VPS13C: variants seen among roughly 807,000 people sequenced by gnomAD.
VPS13C encodes intermembrane lipid transfer protein VPS13C.
In VPS13C, 358 loss-of-function variants were observed where a neutral mutation model predicts 456.8. The ratio of observed to expected loss-of-function variants is 0.78; its 90% CI spans 0.72 to 0.86. VPS13C has a LOEUF of 0.86. VPS13C is among the 40% of genes least tolerant of loss of function. VPS13C has a pLI of 0.00. For missense variants in VPS13C, 4,818 were observed against 4,385.4 expected, an observed-to-expected ratio of 1.10 and a Z score of -2.79; for synonymous variants, 1,578 against 1,486.7, an observed-to-expected ratio of 1.06 and a Z score of -1.41.
Position 61,962,472 on chromosome 15 carries a change from C to A in VPS13C, c.3502G>T (p.Gly1168Trp), listed in dbSNP as rs769904807. 9.3e-6 allele frequency: 15 copies of A among 1,611,724 alleles called. No homozygotes were observed. The highest frequency in any genetic ancestry group is 1.7e-5 in the Admixed American group (1 of 59,952). ...TTGGACATGTCAGTATACAAATCCC[C>A]CTCAGTAGCATCTGGATACAAATCC... ...NLDLYPDATE[G>W]DLYTDMSKVD... Residue 1168 changes from glycine (G) to tryptophan (W), a missense_variant, in exon 34 of 85, where the codon GGG becomes TGG. Gly to Trp is a radical substitution (Grantham distance 184). This residue lies in a region of VPS13C where 4,552 missense variants were observed against 4,130.6 expected (regional missense o/e 1.10). Transcript: ENST00000644861.
intron 3 of VPS13C, among the ~76,000 whole-genome samples, chr15:62,035,806 T>C (rs1270791663): frequency 6.6e-6 from 1 of 152,030 alleles, no homozygotes; most frequent in African/African-American, 2.4e-5. Context: ...CAAGTCCTCC[T>C]GAGGTGAGCC....
At chr15:62,060,217 G>T in intron 1 of VPS13C, 58 bp downstream of exon 1, 1 of 984,774 alleles carries the variant, frequency 1.0e-6, no homozygotes, top group Non-Finnish European at 1.6e-6. Flanking sequence ...CCCGGACGGA[G>T]CAGCCCTCGG....
Position 61,906,999 on chromosome 15 carries a change from A to T in VPS13C, c.9105+265T>A. 8 of 353,850 alleles carry T rather than the reference A, an allele frequency of 2.3e-5. No individual in the cohort carries two copies. The South Asian group carries it at 2.4e-4, about 11-fold the overall frequency. 21.9% of individuals were successfully genotyped at this position (353,850 alleles called of 1,614,324 possible). A position where few individuals can be genotyped will look rare whatever the true frequency, so the allele number is the denominator to read the frequency against. ...TCTTACAATTCCTTCCTTTTAAAAT[A>T]GGTAAATTAATTAAAAAGGTGCTTT... On this transcript the variant is annotated intron_variant, in intron 66 of 84. Coordinates refer to ENST00000644861, the MANE Select transcript of VPS13C (RefSeq NM_020821.3).
At chr15:61,879,035 G>A (rs1383027830) in intron 73 of VPS13C, among the ~76,000 whole-genome samples, 1 of 152,026 alleles carries the variant, frequency 6.6e-6, no homozygotes, top group Non-Finnish European at 1.5e-5. Flanking sequence ...TTACAAAAAT[G>A]GCGTAATCAT....
At chr15:61,903,009 T>C (rs903095233) in intron 66 of VPS13C, among the ~76,000 whole-genome samples, 1 of 151,818 alleles carries the variant, frequency 6.6e-6, no homozygotes, top group African/African-American at 2.4e-5. Flanking sequence ...TTTGGTAAAG[T>C]TGCAGGACGC....
chr15:61,950,010 T>C (rs1262623509), intron 41 of VPS13C, among the ~76,000 whole-genome samples: 2 of 152,176 alleles, frequency 1.3e-5, no homozygotes, highest in Non-Finnish European at 2.9e-5. Context: ...CTTATTCTAA[T>C]CCTAACGCCA....
At chr15:61,882,430 ATAAG>A (rs1380110857) in intron 69 of VPS13C, among the ~76,000 whole-genome samples, 162 bp downstream of exon 69, 2 of 152,208 alleles carry the variant, frequency 1.3e-5, no homozygotes, top group East Asian at 3.9e-4. Context: ...CACGAAGTTT[ATAAG>A]TAAGATGTTA....
chr15:61,991,341 C>T (rs1444843317), intron 17 of VPS13C, among the ~76,000 whole-genome samples: 1 of 152,034 alleles, frequency 6.6e-6, no homozygotes, highest in Non-Finnish European at 1.5e-5. Flanking sequence ...TTAGAATTCC[C>T]TAAGTATTTT....
intron 9 of VPS13C, among the ~76,000 whole-genome samples, chr15:62,015,006 A>G (rs2047177468): frequency 6.6e-6 from 1 of 152,200 alleles, no homozygotes; most frequent in African/African-American, 2.4e-5. Context: ...GACAAACAGC[A>G]GCAAACACTA....
intron 22 of VPS13C, 103 bp downstream of exon 22, chr15:61,981,239 C>T (rs2045876701): frequency 1.5e-6 from 2 of 1,306,946 alleles, no homozygotes; most frequent in South Asian, 1.7e-5. Flanking sequence ...AATAAGTCTA[C>T]ATTTAGTTTA....
intron 4 of VPS13C, 85 bp from the exon 5 acceptor site, chr15:62,033,627 G>C: frequency 2.3e-6 from 2 of 871,830 alleles, no homozygotes; most frequent in Non-Finnish European, 3.4e-6. Context: ...TTAGGATTGT[G>C]TAAGTGTATA....
Position 61,858,495 on chromosome 15 carries a change from C to CAG in VPS13C, c.10953-2088_10953-2087dup, listed in dbSNP as rs1323810617. The stretch of plus-strand genomic sequence containing the variant: ...CCACTTCCTACCATGATAGCTGCCA[C>CAG]AGTCTCTATGGTAGACAGAATTCTA... On this transcript the variant is annotated intron_variant, in intron 82 of 84. Coordinates refer to ENST00000644861, the MANE Select transcript of VPS13C (RefSeq NM_020821.3). The surrounding 1 kb of genome is among the most constrained non-coding windows in gnomAD (Gnocchi z 4.4). Among the ~76,000 whole-genome samples, 2 of 152,172 alleles carry CAG rather than the reference C, an allele frequency of 1.3e-5. No homozygotes were observed. The highest frequency in any genetic ancestry group is 2.9e-5 in the Non-Finnish European group (2 of 68,038).
At chr15:61,996,299 T>G (rs2046385087) in intron 16 of VPS13C, among the ~76,000 whole-genome samples, 1 of 152,150 alleles carries the variant, frequency 6.6e-6, no homozygotes, top group African/African-American at 2.4e-5. Context: ...TTTAAAGAGC[T>G]GAACTGAAAT....
At chr15:61,980,066 C>T (rs1216519768) in intron 22 of VPS13C, among the ~76,000 whole-genome samples, 1 of 150,848 alleles carries the variant, frequency 6.6e-6, no homozygotes, top group Non-Finnish European at 1.5e-5. Context: ...TGCCTGTAAT[C>T]CCAGATACTT....
intron 67 of VPS13C, among the ~76,000 whole-genome samples, chr15:61,885,509 G>A (rs1356648472): frequency 6.6e-6 from 1 of 152,076 alleles, no homozygotes; most frequent in East Asian, 1.9e-4. Flanking sequence ...CTGCTGTGTG[G>A]TAACACAAGT....
intron 15 of VPS13C, 104 bp from the exon 16 acceptor site, chr15:62,000,730 T>A: frequency 1.2e-6 from 1 of 815,318 alleles, no homozygotes; most frequent in South Asian, 2.2e-5. Context: ...TCAGTACCTG[T>A]GACCTAATGA....
chr15:62,010,591 G>C lies in VPS13C; in HGVS notation c.892C>G (p.Pro298Ala). 2 of 1,609,664 alleles carry C rather than the reference G, an allele frequency of 1.2e-6. No homozygotes were observed. Among genetic ancestry groups the C allele is most frequent in the Non-Finnish European group, 8.5e-7 (1 of 1,178,366 alleles). ...TAGAGTTTTGCAGAGGCTGATATTG[G>C]CTGGAAAACTTACATCACATGGGAA... Reference protein sequence around the residue: ...IPPNYQYIFQPISASAKLYMN... With the variant: ...IPPNYQYIFQAISASAKLYMN... The change falls in exon 13 of 85, where the codon CCA becomes GCA. Residue 298 changes from proline to alanine, a missense_variant. This residue lies in a region of VPS13C where 4,552 missense variants were observed against 4,130.6 expected (regional missense o/e 1.10). Transcript: ENST00000644861.
At chr15:62,020,420 G>C in intron 9 of VPS13C, 59 bp downstream of exon 9, 1 of 1,440,576 alleles carries the variant, frequency 6.9e-7, no homozygotes, top group South Asian at 1.3e-5. Flanking sequence ...AATTTACCCT[G>C]TGACTTCAGA....
chr15:61,984,301 C>G (rs1268630388), intron 19 of VPS13C, among the ~76,000 whole-genome samples: 2 of 152,152 alleles, frequency 1.3e-5, no homozygotes, highest in African/African-American at 4.8e-5. Context: ...TAAAAGATCA[C>G]ACGACATGGA....
Sources: gnomAD v4.1 joint callset for allele counts (sites outside exome capture counted in the v4.1 genomes callset) on GRCh38, gnomAD v4.1.1 for gene constraint, gnomAD v4.1.1 regional missense constraint, Gnocchi (gnomAD v3.1) non-coding constraint, MANE v1.5 for transcripts, NCBI Gene and HGNC (gene_info 2026-07-23, HGNC 2026-07-21) for gene names.